The following TRIM14 variants were observed in gnomAD, a reference collection of about 807,000 sequenced individuals.
TRIM14 encodes the protein tripartite motif-containing protein 14.
Under a neutral mutation model 44.5 loss-of-function variants are expected in TRIM14, and 28 were observed. The ratio of observed to expected loss-of-function variants is 0.63; its 90% CI spans 0.47 to 0.86. The LOEUF is 0.86. Among genes scored for constraint, TRIM14 ranks in the 40% least tolerant of loss-of-function variants. The pLI is 0.00. For missense variants in TRIM14, 607 were observed against 611.1 expected (o/e 0.99, Z 0.07); for synonymous variants, 299 against 269.2 (o/e 1.11, Z -1.08).
intron 6 of TRIM14, chr9:98,077,093 C>G (rs1013026018): frequency 9.4e-7 from 1 of 1,064,528 alleles, no homozygotes; most frequent in Non-Finnish European, 1.4e-6. Context: ...TGGTGGCCCA[C>G]TTTCAGCAGA....
chr9:98,112,934 T>C (rs182006293), intron 1 of TRIM14, among the ~76,000 whole-genome samples: 6 of 149,694 alleles, frequency 4.0e-5, no homozygotes, highest in Admixed American at 3.3e-4. Context: ...GCTAACATGG[T>C]GAAACCCCGT....
downstream of TRIM14, chr9:98,082,175 T>TATC (rs1269605687): frequency 2.0e-5 from 3 of 152,294 alleles, no homozygotes; most frequent in African/African-American, 4.8e-5. Context: ...CTGCCTGTAT[T>TATC]ATCTGCCCCT....
At chr9:98,098,186 A>G (rs953658379) in intron 3 of TRIM14, among the ~76,000 whole-genome samples, 1 of 152,216 alleles carries the variant, frequency 6.6e-6, no homozygotes, top group Non-Finnish European at 1.5e-5. Context: ...GTCCTCTAAT[A>G]AGGCAAGATT....
chr9:98,054,850 A>T, the TRIM14 span, among the ~76,000 whole-genome samples: 3 of 152,134 alleles, frequency 2.0e-5, no homozygotes, highest in Admixed American at 1.3e-4. Flanking sequence ...CAAATTTTTA[A>T]CTGCTCAACT....
chr9:98,078,473 C>A, intron 6 of TRIM14: 1 of 1,233,350 alleles, frequency 8.1e-7, no homozygotes, highest in Non-Finnish European at 1.1e-6. Context: ...GACAGTCTTG[C>A]TGTTACCAAA....
chr9:98,041,642 C>T, the TRIM14 span, among the ~76,000 whole-genome samples: 1 of 152,034 alleles, frequency 6.6e-6, no homozygotes, highest in African/African-American at 2.4e-5. Context: ...CAGGCATGTG[C>T]CACCACGCCA....
the TRIM14 span, among the ~76,000 whole-genome samples, chr9:98,052,746 T>A: frequency 1.6e-4 from 25 of 152,324 alleles, 1 homozygote; most frequent in African/African-American, 6.0e-4. Context: ...TCTCAGCTGA[T>A]CCACTCTCCT....
intron 6 of TRIM14, among the ~76,000 whole-genome samples, chr9:98,072,164 C>T (rs372699396): frequency 5.3e-5 from 8 of 152,134 alleles, no homozygotes; most frequent in African/African-American, 1.7e-4. Context: ...CAGTGGCCCC[C>T]GTCTGTAAAA....
intron 5 of TRIM14, among the ~76,000 whole-genome samples, chr9:98,089,766 C>A (rs1825931813): frequency 6.6e-6 from 1 of 152,166 alleles, no homozygotes; most frequent in South Asian, 2.1e-4. Flanking sequence ...GTCATATAGA[C>A]CCCCATCTGC....
intron 1 of TRIM14, among the ~76,000 whole-genome samples, chr9:98,112,982 T>C (rs1389507400): frequency 6.6e-6 from 1 of 150,678 alleles, no homozygotes; most frequent in Non-Finnish European, 1.5e-5. Flanking sequence ...GGCATGGTGT[T>C]GTGCACCTGT....
intron 2 of TRIM14, among the ~76,000 whole-genome samples, chr9:98,102,467 C>G (rs1292641553): frequency 6.6e-6 from 1 of 152,132 alleles, no homozygotes; most frequent in Non-Finnish European, 1.5e-5. Flanking sequence ...ATAAATTGTC[C>G]TACATTCGTA....
chr9:98,097,014 T>G (rs1826210469), intron 3 of TRIM14, among the ~76,000 whole-genome samples: 1 of 152,072 alleles, frequency 6.6e-6, no homozygotes, highest in Admixed American at 6.6e-5. Context: ...GCCAACATGG[T>G]GAAACACTGT....
chr9:98,043,182 A>ATT, the TRIM14 span, among the ~76,000 whole-genome samples: 2,294 of 144,370 alleles, frequency 0.016, 39 homozygotes, highest in African/African-American at 0.046. Context: ...CTAAATTTGC[A>ATT]TTTTTTTTTT....
At chr9:98,071,741 A>G (rs1313541726) in intron 6 of TRIM14, among the ~76,000 whole-genome samples, 1 of 152,090 alleles carries the variant, frequency 6.6e-6, no homozygotes, top group African/African-American at 2.4e-5. Flanking sequence ...GGTTCTCTCT[A>G]TTCTGATGTC....
At chr9:98,048,064 CAAAAAAAAA>C in the TRIM14 span, among the ~76,000 whole-genome samples, 1,273 of 107,570 alleles carry the variant, frequency 0.012, 18 homozygotes, top group African/African-American at 0.035. Flanking sequence ...GACTCCTTCT[CAAAAAAAAA>C]AAAAAAAAAA....
chr9:98,078,798 G>A (rs577690804), intron 6 of TRIM14, among the ~76,000 whole-genome samples: 64 of 142,082 alleles, frequency 4.5e-4, no homozygotes, highest in African/African-American at 1.7e-3. Flanking sequence ...TTGCACCACT[G>A]CACTCAAGCC....
At chr9:98,103,763 G>A (rs909613599) in intron 2 of TRIM14, among the ~76,000 whole-genome samples, 5 of 148,214 alleles carry the variant, frequency 3.4e-5, no homozygotes, top group Admixed American at 1.4e-4. Context: ...GCCTGAACCC[G>A]GGAGGCAGAG....
At chr9:98,104,373 A>C (rs550742886) in intron 2 of TRIM14, among the ~76,000 whole-genome samples, 1 of 152,368 alleles carries the variant, frequency 6.6e-6, no homozygotes, top group East Asian at 1.9e-4. Flanking sequence ...TTATAGATCC[A>C]CTTTGTAAAG....
chr9:98,078,218 G>C (rs1335504423), intron 6 of TRIM14: 3 of 1,614,192 alleles, frequency 1.9e-6, no homozygotes, highest in Non-Finnish European at 2.5e-6. Flanking sequence ...TCTCCAGTGG[G>C]ATGCAGTCAA....
Sources: gnomAD v4.1 joint callset for allele counts (sites outside exome capture counted in the v4.1 genomes callset) on GRCh38, gnomAD v4.1.1 for gene constraint, MANE v1.5 for transcripts, NCBI Gene and HGNC (gene_info 2026-07-23, HGNC 2026-07-21) for gene names.